Variants in SHLD1 observed in about 807,000 individuals in gnomAD.
SHLD1 encodes RINN1-REV7-interacting novel NHEJ regulator 3.
In SHLD1, 3 loss-of-function variants were observed where a neutral mutation model predicts 5.5. That is an observed-to-expected ratio of 0.54 (90% confidence interval 0.25 to 1.40). SHLD1 has a LOEUF of 1.40. Ranked by LOEUF, SHLD1 falls within the 40% of genes most tolerant of loss-of-function variation. The pLI, the probability that SHLD1 is intolerant of heterozygous loss-of-function variation, is 0.15. For synonymous variants in SHLD1, 92 were observed against 94.3 expected (o/e 0.98, Z 0.14); for missense variants, 210 against 244.4 (o/e 0.86, Z 0.94).
At chr20:5,840,240 G>A (rs553084859) in intron 2 of SHLD1, among the ~76,000 whole-genome samples, 75 of 152,100 alleles carry the variant, frequency 4.9e-4, no homozygotes, top group Non-Finnish European at 9.1e-4. Flanking sequence ...AACAAGTTTC[G>A]TAATCTCTGT....
At chr20:5,815,671 A>G (rs138704281) in intron 2 of SHLD1, among the ~76,000 whole-genome samples, 6 of 152,346 alleles carry the variant, frequency 3.9e-5, no homozygotes, top group African/African-American at 1.4e-4. Context: ...CCCATGATCT[A>G]TCTTCATAAG....
At chr20:5,844,507 TC>T (rs2122475862) in intron 2 of SHLD1, among the ~76,000 whole-genome samples, 1 of 152,250 alleles carries the variant, frequency 6.6e-6, no homozygotes, top group African/African-American at 2.4e-5. Flanking sequence ...TGTTTGACAC[TC>T]CCACACACTG....
Position 5,845,565 on chromosome 20 carries a change from G to A in SHLD1, c.179-17459G>A, listed in dbSNP as rs967336712. On this transcript the variant is annotated intron_variant, in intron 2 of 2. Coordinates refer to ENST00000303142, the MANE Select transcript of SHLD1 (RefSeq NM_152504.4). ...ATTTGAAAGTAAAACTGTGTTGCCT[G>A]CATTGCACAGAACTGATGTTAGAAT... 4.6e-4 allele frequency among the ~76,000 whole-genome samples: 70 copies of A among 152,222 alleles called. 1 individual carries two copies. Among genetic ancestry groups the A allele is most frequent in the Admixed American group, 4.3e-3 (66 of 15,270 alleles).
chr20:5,759,189 G>A (rs1002886268), intron 1 of SHLD1, among the ~76,000 whole-genome samples: 10 of 151,662 alleles, frequency 6.6e-5, no homozygotes, highest in East Asian at 1.9e-4. Context: ...TCCTGACCTC[G>A]TGATCCGCCC....
chr20:5,794,933 GTTTACATATGTA>G (rs2087189815), intron 2 of SHLD1, among the ~76,000 whole-genome samples: 1 of 76,146 alleles, frequency 1.3e-5, no homozygotes, highest in African/African-American at 4.8e-5. Context: ...AAACTTATTT[GTTTACATATGTA>G]AACAAAGTGA....
In SHLD1 at chr20:5,828,818, A is replaced by G. The variant is rs149729810; in HGVS notation, c.179-34206A>G. Among the ~76,000 whole-genome samples the G allele has an allele frequency of 1.7e-3, 253 of 152,296 alleles. 2 individuals carry two copies. Among genetic ancestry groups the G allele is most frequent in the African/African-American group, 5.8e-3 (242 of 41,560 alleles). On this transcript the variant is annotated intron_variant, in intron 2 of 2. Coordinates refer to ENST00000303142, the MANE Select transcript of SHLD1 (RefSeq NM_152504.4). ...TAAAATTGAAAATTGGCATGATTTT[A>G]TGTCATTTTATATCATTTCACTAAT...
intron 2 of SHLD1, among the ~76,000 whole-genome samples, chr20:5,776,722 C>G (rs1985446228): frequency 6.6e-6 from 1 of 151,970 alleles, no homozygotes; most frequent in South Asian, 2.1e-4. Context: ...AAGACCGCAC[C>G]ATTGCACTCC....
intron 2 of SHLD1, among the ~76,000 whole-genome samples, chr20:5,833,009 G>A (rs1185531813): frequency 6.6e-6 from 1 of 152,042 alleles, no homozygotes; most frequent in Non-Finnish European, 1.5e-5. Context: ...ACCATGCGGT[G>A]ACTGGCCAGT....
At position 5,814,687 on chromosome 20, in the gene SHLD1, TCTCA is replaced by T. The variant is rs1437965178; in HGVS notation, c.178+41648_178+41651del. The stretch of plus-strand genomic sequence containing the variant: ...TTTTTTTTTTTTTTTTGAGATAGGG[TCTCA>T]CTCTGTCACCCAGGCTGCAGTGCAG... On this transcript the variant is annotated intron_variant, in intron 2 of 2. Coordinates refer to ENST00000303142, the MANE Select transcript of SHLD1 (RefSeq NM_152504.4). Among the ~76,000 whole-genome samples, 3 of 140,554 alleles carry T rather than the reference TCTCA, an allele frequency of 2.1e-5. No individual in the cohort carries two copies. In the South Asian group the frequency reaches 6.8e-4, roughly 32 times the overall value. 92.2% of individuals were successfully genotyped at this position (140,554 alleles called of 152,430 possible).
chr20:5,754,234 C>T (rs1260902543), intron 1 of SHLD1, among the ~76,000 whole-genome samples: 1 of 152,154 alleles, frequency 6.6e-6, no homozygotes, highest in East Asian at 1.9e-4. Flanking sequence ...TCTCAGCCTT[C>T]TGAGTAGCTA....
intron 2 of SHLD1, among the ~76,000 whole-genome samples, chr20:5,845,533 G>A (rs2087922678): frequency 6.6e-6 from 1 of 152,202 alleles, no homozygotes; most frequent in Non-Finnish European, 1.5e-5. Context: ...ACCTTACAAG[G>A]TAACATATTT....
intron 2 of SHLD1, among the ~76,000 whole-genome samples, chr20:5,786,967 G>A (rs761991387): frequency 2.6e-5 from 4 of 152,138 alleles, no homozygotes; most frequent in Non-Finnish European, 5.9e-5. Context: ...TATTTCTGCT[G>A]TTGTAGAAAT....
intron 2 of SHLD1, among the ~76,000 whole-genome samples, chr20:5,814,924 A>T (rs1191003469): frequency 1.3e-5 from 2 of 151,966 alleles, no homozygotes; most frequent in African/African-American, 2.4e-5. Context: ...AATTGCTGGG[A>T]TTACAGTCAT....
rs114803146 is a variant in SHLD1, at chr20:5,815,052, G to C, written c.178+42009G>C. On this transcript the variant is annotated intron_variant, in intron 2 of 2. Transcript: ENST00000303142. ...TTTTTCATCACTTATGTTCCTTGGGGGTTTCTGTGGTTCCAGAAGCCATTC... is the reference window on the plus strand; with the variant it reads ...TTTTTCATCACTTATGTTCCTTGGGCGTTTCTGTGGTTCCAGAAGCCATTC... Among the ~76,000 whole-genome samples, 336 of 152,264 alleles carry C rather than the reference G, an allele frequency of 2.2e-3. 2 individuals carry two copies. The highest frequency in any genetic ancestry group is 7.9e-3 in the African/African-American group (329 of 41,544).
At chr20:5,857,619 G>A (rs988551419) in intron 2 of SHLD1, among the ~76,000 whole-genome samples, 1 of 151,928 alleles carries the variant, frequency 6.6e-6, no homozygotes, top group African/African-American at 2.4e-5. Context: ...GATCAGCCTG[G>A]GCAACGTGGT....
intron 2 of SHLD1, among the ~76,000 whole-genome samples, chr20:5,839,486 AAGATAGATAGATAGATAGAT>A (rs3058152): frequency 2.7e-5 from 4 of 149,892 alleles, no homozygotes; most frequent in South Asian, 2.1e-4. Flanking sequence ...ATTAGATAGA[AAGATAGATAGATAGATAGAT>A]AGATAGATAG....
At chr20:5,852,415 C>CCCTCCCTTCCTTCCTTCCTTCCTTCCTT (rs1204718904) in intron 2 of SHLD1, among the ~76,000 whole-genome samples, 8 of 149,980 alleles carry the variant, frequency 5.3e-5, no homozygotes, top group African/African-American at 2.0e-4. Flanking sequence ...TCCTTTCCCT[C>CCCTCCCTTCCTTCCTTCCTTCCTTCCTT]CCTTCCTTCC....
At chr20:5,767,231 T>C (rs1984888531) in intron 1 of SHLD1, among the ~76,000 whole-genome samples, 1 of 152,096 alleles carries the variant, frequency 6.6e-6, no homozygotes, top group Non-Finnish European at 1.5e-5. Context: ...ACTGCCTGGC[T>C]CAAGTGATCA....
intron 2 of SHLD1, among the ~76,000 whole-genome samples, chr20:5,857,881 C>T (rs1206628105): frequency 6.6e-6 from 1 of 151,942 alleles, no homozygotes; most frequent in Non-Finnish European, 1.5e-5. Flanking sequence ...AGGTGGATCA[C>T]GAGGTCAGGA....
Sources: gnomAD v4.1 joint callset for allele counts (sites outside exome capture counted in the v4.1 genomes callset) on GRCh38, gnomAD v4.1.1 for gene constraint, MANE v1.5 for transcripts, NCBI Gene and HGNC (gene_info 2026-07-23, HGNC 2026-07-21) for gene names.